The following MCF2 variants were observed in gnomAD, a reference collection of about 807,000 sequenced individuals.
MCF2 encodes the protein MCF.2 cell line derived transforming sequence.
A neutral mutation model predicts 82.5 loss-of-function variants in MCF2; 44 were observed. That is an observed-to-expected ratio of 0.53 (90% CI 0.42 to 0.69). The LOEUF is 0.69. Ranked by LOEUF, MCF2 falls within the 30% of genes least tolerant of loss-of-function variation. The pLI is 0.00. For synonymous variants in MCF2, 217 were observed against 224.9 expected (o/e 0.96, Z 0.32); for missense variants, 623 against 663.1 (o/e 0.94, Z 0.66).
intron 1 of MCF2, among the ~76,000 whole-genome samples, chrX:139,657,790 T>C (rs1263686612): frequency 8.9e-6 from 1 of 111,751 alleles, no homozygotes; most frequent in African/African-American, 3.3e-5. Context: ...GGTTGGTTTT[T>C]ACCCTCAGAG....
intron 21 of MCF2, 54 bp from the exon 26 acceptor site, chrX:139,587,842 T>A (rs1929118034): frequency 1.4e-6 from 1 of 736,852 alleles, no homozygotes; most frequent in African/African-American, 2.1e-5. Context: ...TCTTACTTCC[T>A]TGAAGGCCAA....
At position 139,604,974 on chromosome X, in the gene MCF2, G is replaced by A. The variant is rs908085189; in HGVS notation, c.1568C>T (p.Ala523Val). 8.9e-6 allele frequency: 10 copies of A among 1,122,898 alleles called. No individual in the cohort carries two copies. The highest frequency in any genetic ancestry group is 4.9e-5 in the Admixed American group (2 of 41,018). 92.5% of individuals were successfully genotyped at this position (1,122,898 alleles called of 1,213,427 possible). A position where few individuals can be genotyped will look rare whatever the true frequency, so the allele number is the denominator to read the frequency against. ...AAACATCTCTGGATTATCCATCTCC[G>A]CTCTATAACCCTACCCAAAATAAAT... The change falls in exon 14 of 25, where the codon GCG (alanine) becomes GTG (valine). Residue 523 changes from alanine to valine, a missense_variant. By Grantham distance (64) the Ala-to-Val change is moderately conservative (BLOSUM62 0). Transcript: ENST00000370576.
At chrX:139,644,706 T>C (rs1425355247), upstream of MCF2, among the ~76,000 whole-genome samples, 1 of 112,362 alleles carries the variant, frequency 8.9e-6, no homozygotes, top group Non-Finnish European at 1.9e-5. Flanking sequence ...CAAGTTCTTG[T>C]GGTGGGCGTG....
rs753189674 is a variant in MCF2 at position 139,668,547 on chromosome X, T to C, written c.-44-16759A>G. On this transcript the variant is annotated intron_variant, in intron 1 of 27. Coordinates refer to the MCF2 transcript ENST00000414978. The stretch of plus-strand genomic sequence containing the variant: ...GTCTCTCACTTAACCTTTCCCTGTG[T>C]TGGGAAGTCACTCCCAGCTGCCTGC... Among the ~76,000 whole-genome samples the C allele has an allele frequency of 2.7e-5, 3 of 111,585 alleles. No individual in the cohort carries two copies. In the South Asian group the frequency reaches 1.1e-3, roughly 42 times the overall value.
intron 1 of MCF2, among the ~76,000 whole-genome samples, chrX:139,666,233 C>A (rs1934516337): frequency 9.6e-6 from 1 of 103,673 alleles, no homozygotes; most frequent in Non-Finnish European, 2.0e-5. Context: ...TACACATTAA[C>A]CATCCCCACC....
intron 1 of MCF2, among the ~76,000 whole-genome samples, chrX:139,660,966 C>A (rs769864146): frequency 9.0e-6 from 1 of 111,112 alleles, no homozygotes; most frequent in Non-Finnish European, 1.9e-5. Flanking sequence ...AAACTACTGG[C>A]CATAATATAA....
At chrX:139,667,498 G>A (rs1338212580) in intron 1 of MCF2, among the ~76,000 whole-genome samples, 1 of 111,721 alleles carries the variant, frequency 9.0e-6, no homozygotes, top group East Asian at 2.8e-4. Flanking sequence ...TGTCAGCTGA[G>A]GTGGTAGTAG....
At chrX:139,665,980 C>T (rs1384581941) in intron 1 of MCF2, among the ~76,000 whole-genome samples, 2 of 96,630 alleles carry the variant, frequency 2.1e-5, no homozygotes, top group Non-Finnish European at 4.1e-5. Context: ...CATATATATA[C>T]ACACACACAT....
intron 5 of MCF2, 101 bp downstream of exon 8, chrX:139,626,522 G>T: frequency 1.2e-6 from 1 of 843,981 alleles, no homozygotes; most frequent in Non-Finnish European, 1.7e-6. Context: ...ATTTCCAGAG[G>T]TCCAGGAATA....
chrX:139,595,050 T>C (rs1366699943), intron 19 of MCF2, among the ~76,000 whole-genome samples: 1 of 109,819 alleles, frequency 9.1e-6, no homozygotes, highest in African/African-American at 3.3e-5. Flanking sequence ...CCAGTTAGAA[T>C]GGCAATCATT....
chrX:139,677,589 C>T, intron 1 of MCF2, among the ~76,000 whole-genome samples: 1 of 111,606 alleles, frequency 9.0e-6, no homozygotes, highest in Middle Eastern at 4.6e-3. Flanking sequence ...GCATCACCTT[C>T]TCCAAACAAT....
At chrX:139,672,920 A>G (rs146813557) in intron 1 of MCF2, among the ~76,000 whole-genome samples, 7,432 of 111,510 alleles carry the variant, frequency 0.067, 619 homozygotes, top group African/African-American at 0.23. Flanking sequence ...CTCTGGTAGA[A>G]TTCGGCTGTG....
At chrX:139,652,310 C>T (rs896876741) in intron 1 of MCF2, among the ~76,000 whole-genome samples, 17 of 111,394 alleles carry the variant, frequency 1.5e-4, no homozygotes, top group African/African-American at 5.2e-4. Flanking sequence ...GATTCAAATC[C>T]AGCTTGTTGC....
At chrX:139,631,326 T>C in intron 3 of MCF2, 69 bp downstream of exon 6, 9 of 613,468 alleles carry the variant, frequency 1.5e-5, no homozygotes, top group Non-Finnish European at 2.2e-5. Context: ...TAGGAAAGAA[T>C]TCTAGAACTA....
chrX:139,678,367 A>C (rs957907271), intron 1 of MCF2, among the ~76,000 whole-genome samples: 10 of 111,712 alleles, frequency 9.0e-5, no homozygotes, highest in African/African-American at 3.3e-4. Flanking sequence ...TGGGAATCAG[A>C]TCAGAGAAAA....
exon 8 of MCF2, chrX:139,617,602 G>A (rs769900769): frequency 5.6e-5 from 67 of 1,200,848 alleles, no homozygotes; most frequent in Middle Eastern, 2.3e-4. Flanking sequence ...GAAAGGTAAC[G>A]TAGCTCATTG....
intron 6 of MCF2, among the ~76,000 whole-genome samples, chrX:139,621,798 C>G (rs1292509436): frequency 1.8e-5 from 2 of 111,528 alleles, no homozygotes; most frequent in African/African-American, 3.3e-5. Context: ...CTAGGCAATA[C>G]CATTCAGGAC....
chrX:139,657,647 C>T (rs1043740278), intron 1 of MCF2, among the ~76,000 whole-genome samples: 1 of 112,332 alleles, frequency 8.9e-6, no homozygotes, highest in Non-Finnish European at 1.9e-5. Context: ...AGGGGTTAAA[C>T]ACACTGCAAT....
chrX:139,630,757 A>AT (rs778341564), intron 3 of MCF2, among the ~76,000 whole-genome samples: 1 of 112,201 alleles, frequency 8.9e-6, no homozygotes, highest in Admixed American at 9.4e-5. Context: ...AGATACTCAT[A>AT]TACCACAGAC....
Sources: allele counts gnomAD v4.1 joint callset (sites outside exome capture counted in the v4.1 genomes callset), GRCh38; gene constraint gnomAD v4.1.1; transcripts MANE v1.5; gene names NCBI Gene and HGNC (gene_info 2026-07-23, HGNC 2026-07-21).